Variants in ATP6V1B2 observed in about 807,000 individuals in gnomAD.
ATP6V1B2 encodes ATPase H+ transporting V1 subunit B2.
Under a neutral mutation model 66.7 loss-of-function variants are expected in ATP6V1B2, and 23 were observed. The ratio of observed to expected loss-of-function variants is 0.34; its 90% CI spans 0.25 to 0.49. The LOEUF (loss-of-function observed/expected upper bound fraction) is 0.49, where lower values mean the gene tolerates loss of function less well. Among genes scored for constraint, ATP6V1B2 ranks in the 20% least tolerant of loss-of-function variants. ATP6V1B2 has a pLI of 0.99. For missense variants in ATP6V1B2, 478 were observed against 650.8 expected (o/e 0.73, Z 2.89); for synonymous variants, 278 against 236.7 (o/e 1.17, Z -1.60).
Position 20,217,142 on chromosome 8 carries a change from T to A in ATP6V1B2, c.1162-78T>A, listed in dbSNP as rs1056950450. ...TTGATTTAAGTTGTAATAATGAGTT[T>A]CAAATGTTTTTTTATTACCAGTAAA... On this transcript the variant is annotated intron_variant, in intron 11 of 13. Coordinates refer to ENST00000276390, the MANE Select transcript of ATP6V1B2 (RefSeq NM_001693.4). 22 of 1,194,830 alleles carry A rather than the reference T, an allele frequency of 1.8e-5. No homozygotes were observed. The South Asian group carries it at 2.6e-4, about 14-fold the overall frequency. 74.0% of individuals were successfully genotyped at this position (1,194,830 alleles called of 1,614,324 possible). A position where few individuals can be genotyped will look rare whatever the true frequency, so the allele number is the denominator to read the frequency against.
chr8:20,211,418 C>T (rs2072792225), intron 6 of ATP6V1B2, 102 bp downstream of exon 6: 1 of 1,468,098 alleles, frequency 6.8e-7, no homozygotes, highest in Non-Finnish European at 9.1e-7. Context: ...AAAATAAATA[C>T]TCAGTGTTAT....
intron 12 of ATP6V1B2, 97 bp from the exon 13 acceptor site, chr8:20,218,056 T>G (rs963854174): frequency 2.9e-5 from 42 of 1,437,994 alleles, no homozygotes; most frequent in Non-Finnish European, 3.9e-5. Flanking sequence ...TTCTATGGGC[T>G]CTTGTGAGGA....
intron 8 of ATP6V1B2, among the ~76,000 whole-genome samples, 179 bp from the exon 9 acceptor site, chr8:20,212,603 T>A (rs145404643): frequency 1.2e-3 from 186 of 152,336 alleles, no homozygotes; most frequent in Admixed American, 5.4e-3. Context: ...TTTGGGACAT[T>A]TATAAATAAC....
rs1039145322 is a variant in ATP6V1B2 at position 20,213,016 on chromosome 8, A to G, written c.927+111A>G. ...ATGGTTTTTTAATTCCACTGTTCAT[A>G]TATTAATAGAATGCCTTAATAAATC... On this transcript the variant is annotated intron_variant, in intron 9 of 13. Transcript: ENST00000276390. The G allele has an allele frequency of 4.3e-6, 6 of 1,402,712 alleles. No individual in the cohort carries two copies. In the African/African-American group the frequency reaches 4.4e-5, roughly 10 times the overall value. The allele number at this position is 1,402,712 out of a possible 1,614,324, so 86.9% of individuals were successfully genotyped here. A position where few individuals can be genotyped will look rare whatever the true frequency, so the allele number is the denominator to read the frequency against.
rs2072790589 is a variant in ATP6V1B2, at chr8:20,211,283, T to A, written c.570T>A (p.Pro190=). 6.2e-7 allele frequency: 1 copy of A among 1,613,224 alleles called. No homozygotes were observed. The highest frequency in any genetic ancestry group is 8.5e-7 in the Non-Finnish European group (1 of 1,179,778). The part of the protein sequence containing the change: ...MNSIARGQKI[P]IFSAAGLPHN... ...GTATTGCTAGGGGGCAGAAAATTCC[T>A]ATCTTCTCTGCTGCTGGGCTACCAC... Residue 190 remains proline, a synonymous_variant, in exon 6 of 14, where the codon CCT becomes CCA. Transcript: ENST00000276390.
Position 20,221,115 on chromosome 8 carries a change from G to A in ATP6V1B2, c.*713G>A, listed in dbSNP as rs2072902408. On this transcript the variant is annotated 3_prime_UTR_variant, in exon 14 of 14. Coordinates refer to ENST00000276390, the MANE Select transcript of ATP6V1B2 (RefSeq NM_001693.4). ...CCCTTGTCTTGGTGATCCTTACTGG[G>A]TTTCCAAGCAGAGGAGTCACATGAT... 1.3e-5 allele frequency: 2 copies of A among 152,164 alleles called. No homozygotes were observed. Among genetic ancestry groups the A allele is most frequent in the African/African-American group, 4.8e-5 (2 of 41,440 alleles). 9.4% of individuals were successfully genotyped at this position (152,164 alleles called of 1,614,324 possible). A position where few individuals can be genotyped will look rare whatever the true frequency, so the allele number is the denominator to read the frequency against.
intron 2 of ATP6V1B2, among the ~76,000 whole-genome samples, chr8:20,205,029 A>T (rs1174022972): frequency 6.6e-6 from 1 of 152,186 alleles, no homozygotes; most frequent in Non-Finnish European, 1.5e-5. Flanking sequence ...TAGTGAGTTT[A>T]CCTCCTGACT....
At chr8:20,215,884 T>A (rs773009425) in intron 10 of ATP6V1B2, 3 of 152,386 alleles carry the variant, frequency 2.0e-5, no homozygotes, top group Non-Finnish European at 4.4e-5. Flanking sequence ...TGGTGAAATG[T>A]TGTGTATCCA....
At chr8:20,209,603 GTGA>G in intron 3 of ATP6V1B2, 72 bp downstream of exon 3, 1 of 1,372,514 alleles carries the variant, frequency 7.3e-7, no homozygotes, top group Non-Finnish European at 1.0e-6. Flanking sequence ...GTTTCTTTCT[GTGA>G]TGATCATTGC....
chr8:20,199,149 AAG>A (rs1248042142), intron 1 of ATP6V1B2, among the ~76,000 whole-genome samples: 5 of 152,232 alleles, frequency 3.3e-5, no homozygotes, highest in Admixed American at 2.6e-4. Context: ...GTAAACCTTT[AAG>A]AGAGATGAAT....
chr8:20,201,715 A>C (rs1005167306), intron 1 of ATP6V1B2, among the ~76,000 whole-genome samples: 2 of 152,220 alleles, frequency 1.3e-5, no homozygotes, highest in African/African-American at 4.8e-5. Context: ...AGGGTGCATC[A>C]GCCTTGCCTA....
chr8:20,214,841 A>G lies in ATP6V1B2; in HGVS notation c.951A>G (p.Val317=). 6.2e-7 allele frequency: 1 copy of G among 1,612,374 alleles called. No individual in the cohort carries two copies. Among genetic ancestry groups the G allele is most frequent in the East Asian group, 2.2e-5 (1 of 44,822 alleles). The stretch of plus-strand genomic sequence containing the variant: ...AGGTTTCAGCAGCCAGGGAAGAGGT[A>G]CCTGGTCGACGAGGTTTTCCAGGTT... ...LREVSAAREE[V]PGRRGFPGYM... Residue 317 remains valine (V), a synonymous_variant, in exon 10 of 14, where the codon GTA becomes GTG. Transcript: ENST00000276390.
At chr8:20,216,085 A>G (rs988281733) in intron 10 of ATP6V1B2, 1 of 170,724 alleles carries the variant, frequency 5.9e-6, no homozygotes, top group African/African-American at 2.4e-5. Flanking sequence ...AACTGCTGCA[A>G]CCAAACTAAA....
In ATP6V1B2 at chr8:20,220,443, G is replaced by C. The variant is rs754685764; in HGVS notation, c.*41G>C. On this transcript the variant is annotated 3_prime_UTR_variant, in exon 14 of 14. Transcript: ENST00000276390. Reference sequence around the variant, plus strand: ...TGCTCCGCGCTCTTGTGAAATACTGGTTCTGTTTTCTTTATTCCTTTTGCA... The same window carrying C: ...TGCTCCGCGCTCTTGTGAAATACTGCTTCTGTTTTCTTTATTCCTTTTGCA... The C allele has an allele frequency of 8.7e-6, 13 of 1,498,190 alleles. No homozygotes were observed. Among genetic ancestry groups the C allele is most frequent in the African/African-American group, 2.9e-5 (2 of 68,856 alleles). The allele number at this position is 1,498,190 out of a possible 1,614,324, so 92.8% of individuals were successfully genotyped here.
rs762375539 is a variant in ATP6V1B2 at position 20,209,457 on chromosome 8, C to G, written c.217C>G (p.His73Asp). ...VKFPRYAEIV[H>D]LTLPDGTKRS... is the part of the protein sequence containing the mutation. The stretch of plus-strand genomic sequence containing the variant: ...GTTTCCCAGGTATGCTGAAATTGTC[C>G]ATTTGACCTTACCGGATGGCACAAA... Residue 73 changes from histidine to aspartate, a missense_variant, in exon 3 of 14, where the codon CAT becomes GAT. By Grantham distance (81) the His-to-Asp change is moderately conservative. Coordinates refer to ENST00000276390, the MANE Select transcript of ATP6V1B2 (RefSeq NM_001693.4). 4.3e-6 allele frequency: 7 copies of G among 1,613,506 alleles called. No individual in the cohort carries two copies.
chr8:20,220,168 T>C, intron 13 of ATP6V1B2, 95 bp from the exon 14 acceptor site: 3 of 1,412,330 alleles, frequency 2.1e-6, no homozygotes, highest in Non-Finnish European at 2.9e-6. Flanking sequence ...TCAATATCTA[T>C]TTAATACACT....
intron 10 of ATP6V1B2, 86 bp downstream of exon 10, chr8:20,215,054 T>C: frequency 7.3e-7 from 1 of 1,373,552 alleles, no homozygotes; most frequent in East Asian, 2.4e-5. Flanking sequence ...GAAGTTATTT[T>C]GAGAACACAT....
chr8:20,214,564 A>G, intron 9 of ATP6V1B2: 1 of 293,792 alleles, frequency 3.4e-6, no homozygotes, highest in Non-Finnish European at 6.2e-6. Context: ...CTTCTAGCAA[A>G]CTATTTGAAA....
In ATP6V1B2 at chr8:20,198,845, A is replaced by G. The variant is rs138801233; in HGVS notation, c.136+1303A>G. ...AACTGGGAATTGTTCGAATTAGAAAATGTATGTTGGGACTTATCTGAGCTG... is the reference window on the plus strand; with the variant it reads ...AACTGGGAATTGTTCGAATTAGAAAGTGTATGTTGGGACTTATCTGAGCTG... On this transcript the variant is annotated intron_variant, in intron 1 of 13. Coordinates refer to ENST00000276390, the MANE Select transcript of ATP6V1B2 (RefSeq NM_001693.4). Among the ~76,000 whole-genome samples the G allele has an allele frequency of 1.2e-4, 19 of 152,336 alleles. No homozygotes were observed. In the East Asian group the frequency reaches 3.5e-3, roughly 28 times the overall value.
Sources: allele counts gnomAD v4.1 joint callset (sites outside exome capture counted in the v4.1 genomes callset), GRCh38; gene constraint gnomAD v4.1.1; transcripts MANE v1.5; gene names NCBI Gene and HGNC (gene_info 2026-07-23, HGNC 2026-07-21).